The following TTC39A variants were observed in gnomAD, a reference collection of about 807,000 sequenced individuals.
The protein encoded by TTC39A is tetratricopeptide repeat domain 39A, also known as tetratricopeptide repeat protein 39A.
A neutral mutation model predicts 82.3 loss-of-function variants in TTC39A; 46 were observed. The observed-to-expected ratio is 0.56, with a 90% confidence interval of 0.44 to 0.71. TTC39A has a LOEUF of 0.71. TTC39A is among the 30% of genes least tolerant of loss of function. TTC39A has a pLI of 0.00. For missense variants in TTC39A, 543 were observed against 712.9 expected (o/e 0.76, Z 2.71); for synonymous variants, 254 against 275.2 (o/e 0.92, Z 0.76).
At chr1:51,301,842 T>G in intron 11 of TTC39A, 109 bp from the exon 12 acceptor site, 1 of 1,479,056 alleles carries the variant, frequency 6.8e-7, no homozygotes, top group Admixed American at 1.9e-5. Flanking sequence ...CAGGGCATAG[T>G]GGTCCAGCCC....
intron 1 of TTC39A, among the ~76,000 whole-genome samples, chr1:51,340,128 G>A (rs944052851): frequency 1.3e-5 from 2 of 152,156 alleles, no homozygotes; most frequent in East Asian, 1.9e-4. Flanking sequence ...CCATCCTCCC[G>A]AACTGTGAGA....
In TTC39A at chr1:51,294,492, G is replaced by C; in HGVS notation, c.1165C>G (p.Leu389Val). The C allele has an allele frequency of 6.2e-7, 1 of 1,614,004 alleles. No individual in the cohort carries two copies. The highest frequency in any genetic ancestry group is 8.5e-7 in the Non-Finnish European group (1 of 1,179,890). The change falls in exon 14 of 18, where the codon CTC becomes GTC. Residue 389 changes from leucine to valine, a missense_variant. Coordinates refer to ENST00000680483, the MANE Select transcript of TTC39A (RefSeq NM_001297663.2). The surrounding 1 kb of genome is among the most constrained non-coding windows in gnomAD (Gnocchi z 4.3). Reference sequence around the variant, plus strand: ...GGTAGAGATTTCCCAGCAATCTTGAGCTTCAGGCCTGGCACAGCTCTGCGA... The same window carrying C: ...GGTAGAGATTTCCCAGCAATCTTGACCTTCAGGCCTGGCACAGCTCTGCGA... ...ELFRAVPGLK[L>V]KIAGKSLPTE...
intron 12 of TTC39A, among the ~76,000 whole-genome samples, chr1:51,297,050 C>A (rs1255355273): frequency 6.6e-6 from 1 of 152,250 alleles, no homozygotes; most frequent in Non-Finnish European, 1.5e-5. Flanking sequence ...AAGGAAAAGG[C>A]GCCGGACATC....
chr1:51,328,763 A>G (rs945929717), intron 1 of TTC39A, among the ~76,000 whole-genome samples: 2 of 152,200 alleles, frequency 1.3e-5, no homozygotes, highest in African/African-American at 4.8e-5. Context: ...ACTATTTGCT[A>G]TATTTTTCTG....
chr1:51,317,002 T>C (rs1645309334), intron 2 of TTC39A, among the ~76,000 whole-genome samples: 1 of 152,224 alleles, frequency 6.6e-6, no homozygotes, highest in Admixed American at 6.5e-5. Context: ...GTAGCCTCCA[T>C]GTCCCAGAGA....
chr1:51,314,528 A>C (rs1248189154), intron 2 of TTC39A, among the ~76,000 whole-genome samples: 1 of 152,144 alleles, frequency 6.6e-6, no homozygotes, highest in Admixed American at 6.5e-5. Context: ...TTCATAAAAC[A>C]CTCATAAGTT....
intron 8 of TTC39A, 23 bp from the exon 9 acceptor site, chr1:51,303,215 G>A (rs985419566): frequency 2.0e-6 from 3 of 1,509,102 alleles, no homozygotes; most frequent in East Asian, 2.4e-5. Flanking sequence ...GAGGGTGGGT[G>A]AGGCTCCCAG....
chr1:51,334,218 G>A (rs568561135), upstream of TTC39A, among the ~76,000 whole-genome samples: 5 of 146,430 alleles, frequency 3.4e-5, no homozygotes, highest in African/African-American at 1.0e-4. Context: ...AAAAAAAAAG[G>A]CCAGGCCAGT....
chr1:51,332,387 AG>A (rs1645924717), upstream of TTC39A, among the ~76,000 whole-genome samples: 1 of 152,194 alleles, frequency 6.6e-6, no homozygotes, highest in Admixed American at 6.5e-5. Flanking sequence ...CAGCCTCCCG[AG>A]TAGCTGAGAT....
chr1:51,319,982 G>A (rs898282818), intron 2 of TTC39A, among the ~76,000 whole-genome samples: 3 of 152,246 alleles, frequency 2.0e-5, no homozygotes, highest in Non-Finnish European at 2.9e-5. Flanking sequence ...GAGCCACTGC[G>A]CCCAGACTTT....
Position 51,311,294 on chromosome 1 carries a change from G to T in TTC39A, c.383C>A (p.Ala128Glu). 1 of 1,586,332 alleles carries T rather than the reference G, an allele frequency of 6.3e-7. No individual in the cohort carries two copies. Residue 128 changes from alanine to glutamate, a missense_variant, in exon 5 of 18, where the codon GCA becomes GAA. Coordinates refer to ENST00000680483, the MANE Select transcript of TTC39A (RefSeq NM_001297663.2). ...GGCTGCTCGCTGCAGCAGGCACTCT[G>T]CATAGCAGACCTCAGCGTGGATTTC... ...EEEIHAEVCY[A>E]ECLLQRAALT...
At chr1:51,335,859 G>T (rs976656868), upstream of TTC39A, among the ~76,000 whole-genome samples, 1 of 152,106 alleles carries the variant, frequency 6.6e-6, no homozygotes, top group Non-Finnish European at 1.5e-5. Flanking sequence ...AGTCAGTTCT[G>T]CCTCTACCTC....
rs1428379727 is a variant in TTC39A, at chr1:51,312,834, CCTT to C, written c.253_255del (p.Lys85del). 6.2e-7 allele frequency: 1 copy of C among 1,613,926 alleles called. No individual in the cohort carries two copies. The highest frequency in any genetic ancestry group is 8.5e-7 in the Non-Finnish European group (1 of 1,179,824). On this transcript the variant is annotated inframe_deletion, in exon 3 of 18. Transcript: ENST00000680483. ...AACCTCTGACACAGCATCTGTGCCT[CCTT>C]CATCATGTTGCCGGCAAGCAGGATG... is the stretch of plus-strand genomic sequence containing the variant.
rs770141625 is a variant in TTC39A at position 51,302,200 on chromosome 1, G to A, written c.891+157C>T. 4 of 926,236 alleles carry A rather than the reference G, an allele frequency of 4.3e-6. No individual in the cohort carries two copies. The South Asian group carries it at 5.6e-5, about 13-fold the overall frequency. The allele number at this position is 926,236 out of a possible 1,614,324, so 57.4% of individuals were successfully genotyped here. ...GTCTTCCCAGGCTGCTCTGCCAGAA[G>A]GGCCTCTCCTGCCCCTGCTCTCTGG... On this transcript the variant is annotated intron_variant, in intron 11 of 17. Transcript: ENST00000680483.
chr1:51,307,500 G>A (rs1159118719), intron 6 of TTC39A, among the ~76,000 whole-genome samples: 1 of 152,104 alleles, frequency 6.6e-6, no homozygotes, highest in Non-Finnish European at 1.5e-5. Flanking sequence ...TTGGGAGGCC[G>A]AGGCAGGCAG....
At chr1:51,340,696 C>T (rs868796844) in intron 1 of TTC39A, among the ~76,000 whole-genome samples, 15 of 152,204 alleles carry the variant, frequency 9.9e-5, no homozygotes, top group African/African-American at 2.4e-4. Context: ...AATCATCACT[C>T]GCGCTGGTAT....
chr1:51,312,319 T>C, intron 3 of TTC39A, 124 bp from the exon 4 acceptor site: 1 of 985,088 alleles, frequency 1.0e-6, no homozygotes, highest in South Asian at 1.7e-5. Flanking sequence ...AACACAGGCT[T>C]AGAGGTCAAA....
intron 14 of TTC39A, among the ~76,000 whole-genome samples, chr1:51,292,757 G>T (rs901864492): frequency 6.6e-6 from 1 of 152,034 alleles, no homozygotes; most frequent in Non-Finnish European, 1.5e-5. Flanking sequence ...TTTAAAAAAG[G>T]ATTCTCCCCT....
chr1:51,332,250 TTTTTA>T (rs1262076572), upstream of TTC39A, among the ~76,000 whole-genome samples: 1 of 152,220 alleles, frequency 6.6e-6, no homozygotes, highest in Non-Finnish European at 1.5e-5. Context: ...TTTGAAGCTT[TTTTTA>T]TTTTCTCTTT....
Sources: allele counts gnomAD v4.1 joint callset (sites outside exome capture counted in the v4.1 genomes callset), GRCh38; gene constraint gnomAD v4.1.1; non-coding constraint Gnocchi (gnomAD v3.1); transcripts MANE v1.5; gene names NCBI Gene and HGNC (gene_info 2026-07-23, HGNC 2026-07-21).